The following ATG7 variants were observed in gnomAD, a reference collection of about 807,000 sequenced individuals.
ATG7 encodes the protein autophagy related 7.
ATG7 carries 70 observed loss-of-function variants against 82.4 expected under a neutral mutation model. That is an observed-to-expected ratio of 0.85 (90% confidence interval 0.70 to 1.04). The LOEUF is 1.04. Among genes scored for constraint, ATG7 ranks in the 50% least tolerant of loss-of-function variants. The pLI is 0.00. For missense variants in ATG7, 792 were observed against 864.3 expected, an observed-to-expected ratio of 0.92 and a Z score of 1.05; for synonymous variants, 287 against 313.0, an observed-to-expected ratio of 0.92 and a Z score of 0.88.
chr3:11,492,939 G>T (rs913041781), intron 20 of ATG7, among the ~76,000 whole-genome samples: 1 of 152,346 alleles, frequency 6.6e-6, no homozygotes, highest in East Asian at 1.9e-4. Flanking sequence ...TAGCTCCGCC[G>T]TCCATGGACA....
chr3:11,529,441 A>T (rs1484220612), intron 20 of ATG7: 2 of 152,522 alleles, frequency 1.3e-5, no homozygotes, highest in Non-Finnish European at 2.9e-5. Context: ...GAATTGTTTT[A>T]AGTCTTAGTC....
chr3:11,442,723 T>C (rs931949578), intron 20 of ATG7, among the ~76,000 whole-genome samples: 2 of 106,052 alleles, frequency 1.9e-5, no homozygotes, highest in Non-Finnish European at 3.4e-5. Context: ...GGCAGCATAG[T>C]GAGACTCCAT....
chr3:11,285,132 G>C (rs147146312), intron 3 of ATG7, among the ~76,000 whole-genome samples: 28 of 138,672 alleles, frequency 2.0e-4, no homozygotes, highest in Non-Finnish European at 3.2e-4. Context: ...TTACAGGTGT[G>C]AGCCACCTTT....
At chr3:11,533,200 A>G (rs1159288477) in intron 20 of ATG7, among the ~76,000 whole-genome samples, 1 of 148,666 alleles carries the variant, frequency 6.7e-6, no homozygotes, top group East Asian at 1.9e-4. Flanking sequence ...CAGGGTGGCC[A>G]TGCTGAGCTG....
chr3:11,486,048 C>A (rs757715081), intron 20 of ATG7, among the ~76,000 whole-genome samples: 3 of 152,120 alleles, frequency 2.0e-5, no homozygotes, highest in Admixed American at 6.6e-5. Flanking sequence ...TCCATATGAA[C>A]TTTTAAGTAG....
intron 14 of ATG7, among the ~76,000 whole-genome samples, chr3:11,351,560 G>T (rs2075547830): frequency 6.6e-6 from 1 of 152,202 alleles, no homozygotes; most frequent in South Asian, 2.1e-4. Context: ...GGGCCTGAGA[G>T]AGCAAGTCCA....
At chr3:11,519,266 C>T (rs1354544019) in intron 20 of ATG7, among the ~76,000 whole-genome samples, 1 of 152,066 alleles carries the variant, frequency 6.6e-6, no homozygotes, top group African/African-American at 2.4e-5. Flanking sequence ...TATATTGTTT[C>T]ATGTAAGGAA....
At chr3:11,496,530 G>A (rs1488198083) in intron 20 of ATG7, among the ~76,000 whole-genome samples, 2 of 152,156 alleles carry the variant, frequency 1.3e-5, no homozygotes, top group African/African-American at 4.8e-5. Flanking sequence ...CTGGGACTTT[G>A]TGTCCTCGCT....
At chr3:11,460,684 A>G (rs1445886291) in intron 20 of ATG7, among the ~76,000 whole-genome samples, 2 of 152,234 alleles carry the variant, frequency 1.3e-5, no homozygotes. Flanking sequence ...ATAAGTCAAA[A>G]TCCCTGCCCC....
chr3:11,408,654 A>G (rs2080589253), intron 19 of ATG7, among the ~76,000 whole-genome samples: 1 of 152,162 alleles, frequency 6.6e-6, no homozygotes, highest in African/African-American at 2.4e-5. Flanking sequence ...CACATCTTAC[A>G]TGGATGGCAG....
chr3:11,299,106 T>C (rs1010743339), intron 4 of ATG7: 20 of 602,578 alleles, frequency 3.3e-5, no homozygotes, highest in Non-Finnish European at 4.9e-5. Context: ...TTAGCATTGC[T>C]GTGGGAAGAG....
intron 1 of ATG7, among the ~76,000 whole-genome samples, chr3:11,276,076 G>A (rs750469119): frequency 5.3e-5 from 8 of 152,122 alleles, no homozygotes; most frequent in Non-Finnish European, 8.8e-5. Flanking sequence ...GGCCCTCAGC[G>A]TGGCTCAGCC....
chr3:11,502,990 C>G (rs780755660), intron 20 of ATG7, among the ~76,000 whole-genome samples: 15 of 152,134 alleles, frequency 9.9e-5, no homozygotes, highest in Non-Finnish European at 1.5e-4. Flanking sequence ...GTGTATACCA[C>G]TGAAAATATG....
intron 3 of ATG7, among the ~76,000 whole-genome samples, chr3:11,283,187 C>T (rs576664099): frequency 1.3e-5 from 2 of 152,290 alleles, no homozygotes; most frequent in East Asian, 3.9e-4. Flanking sequence ...CTGACCATTT[C>T]CTTTTAATTA....
intron 14 of ATG7, among the ~76,000 whole-genome samples, chr3:11,351,374 A>T (rs2075530743): frequency 6.6e-6 from 1 of 152,218 alleles, no homozygotes; most frequent in South Asian, 2.1e-4. Flanking sequence ...AAACCCCTGA[A>T]GGATGAGTGG....
rs536180553 is a variant in ATG7, at chr3:11,451,081, T to C, written c.2079+24155T>C. ...AGGACAAATATTTATTTGACCTTAATGAAATGAAAAAGACATTGGATGCAT... is the reference window on the plus strand; with the variant it reads ...AGGACAAATATTTATTTGACCTTAACGAAATGAAAAAGACATTGGATGCAT... On this transcript the variant is annotated intron_variant, in intron 20 of 20. Coordinates refer to ENST00000693202, the MANE Select transcript of ATG7 (RefSeq NM_001349232.2). 1.1e-4 allele frequency among the ~76,000 whole-genome samples: 17 copies of C among 152,174 alleles called. No individual in the cohort carries two copies. The South Asian group carries it at 3.3e-3, about 30-fold the overall frequency.
intron 18 of ATG7, among the ~76,000 whole-genome samples, chr3:11,372,603 C>T (rs2077076116): frequency 6.6e-6 from 1 of 150,984 alleles, no homozygotes; most frequent in Non-Finnish European, 1.5e-5. Context: ...GTGCCTTCTC[C>T]CAGTTCATCT....
intron 19 of ATG7, among the ~76,000 whole-genome samples, chr3:11,421,274 G>A (rs563767180): frequency 6.6e-6 from 1 of 152,264 alleles, no homozygotes; most frequent in East Asian, 1.9e-4. Context: ...TCTGTAGCAT[G>A]CAGTGCTGTT....
intron 4 of ATG7, 117 bp downstream of exon 4, chr3:11,298,972 ACTAGTTT>A: frequency 8.9e-7 from 1 of 1,128,128 alleles, no homozygotes; most frequent in Non-Finnish European, 1.3e-6. Flanking sequence ...AGTGCTCTTC[ACTAGTTT>A]CTATTTTACT....
Sources: gnomAD v4.1 joint callset for allele counts (sites outside exome capture counted in the v4.1 genomes callset) on GRCh38, gnomAD v4.1.1 for gene constraint, MANE v1.5 for transcripts, NCBI Gene and HGNC (gene_info 2026-07-23, HGNC 2026-07-21) for gene names.